The following SLAIN2 variants were observed in gnomAD, a reference collection of about 807,000 sequenced individuals.
SLAIN2 encodes the protein SLAIN family member 2, also known as SLAIN motif-containing protein 2.
Under a neutral mutation model 56.6 loss-of-function variants are expected in SLAIN2, and 31 were observed. That is an observed-to-expected ratio of 0.55 (90% CI 0.41 to 0.74). The LOEUF (loss-of-function observed/expected upper bound fraction) is 0.74, where lower values mean the gene tolerates loss of function less well. SLAIN2 is among the 30% of genes least tolerant of loss of function. The pLI, the probability that SLAIN2 is intolerant of heterozygous loss-of-function variation, is 0.00. For missense variants in SLAIN2, 777 were observed against 754.2 expected (o/e 1.03, Z -0.35); for synonymous variants, 317 against 284.9 (o/e 1.11, Z -1.13).
chr4:48,366,522 T>G (rs1448397537), intron 1 of SLAIN2, among the ~76,000 whole-genome samples: 1 of 152,238 alleles, frequency 6.6e-6, no homozygotes, highest in Admixed American at 6.5e-5. Context: ...GTAATTTTTT[T>G]GTTTCTAGTA....
intron 1 of SLAIN2, among the ~76,000 whole-genome samples, chr4:48,366,630 A>G (rs1237294192): frequency 2.0e-5 from 3 of 151,874 alleles, no homozygotes; most frequent in African/African-American, 4.8e-5. Context: ...TTTACTTTCA[A>G]CCTATTTATG....
chr4:48,414,355 A>T lies in SLAIN2; in HGVS notation c.1361-5770A>T, dbSNP rs1243931830. On this transcript the variant is annotated intron_variant, in intron 6 of 7. Coordinates refer to ENST00000264313, the MANE Select transcript of SLAIN2 (RefSeq NM_020846.2). ...TCCATCTAGGAAATTCATGTGTAGCAGACTAAAGGAGGCCTGTTCTTTAGA... is the reference window on the plus strand; with the variant it reads ...TCCATCTAGGAAATTCATGTGTAGCTGACTAAAGGAGGCCTGTTCTTTAGA... Among the ~76,000 whole-genome samples, 4 of 152,198 alleles carry T rather than the reference A, an allele frequency of 2.6e-5. No individual in the cohort carries two copies. The East Asian group carries it at 7.7e-4, about 29-fold the overall frequency.
intron 1 of SLAIN2, among the ~76,000 whole-genome samples, chr4:48,362,528 C>T (rs1715355800): frequency 1.3e-5 from 2 of 149,638 alleles, no homozygotes; most frequent in Admixed American, 1.3e-4. Flanking sequence ...AAGCGATTCT[C>T]CTGCCTCAGC....
chr4:48,368,707 T>A (rs1309774953), intron 1 of SLAIN2, among the ~76,000 whole-genome samples: 1 of 152,236 alleles, frequency 6.6e-6, no homozygotes, highest in African/African-American at 2.4e-5. Context: ...TGATAGTTAT[T>A]CCATAAATTG....
intron 1 of SLAIN2, among the ~76,000 whole-genome samples, chr4:48,367,553 C>T (rs1452511170): frequency 6.6e-6 from 1 of 151,664 alleles, no homozygotes; most frequent in Non-Finnish European, 1.5e-5. Context: ...ATGGAGCAAT[C>T]CTAAATTACA....
At chr4:48,411,299 C>T (rs1195706828) in intron 6 of SLAIN2, among the ~76,000 whole-genome samples, 1 of 152,018 alleles carries the variant, frequency 6.6e-6, no homozygotes, top group Non-Finnish European at 1.5e-5. Context: ...GCATGTGATT[C>T]GTTTTGGGGA....
At chr4:48,406,304 T>A (rs1041072289) in intron 6 of SLAIN2, among the ~76,000 whole-genome samples, 11 of 152,206 alleles carry the variant, frequency 7.2e-5, no homozygotes, top group Non-Finnish European at 1.2e-4. Context: ...GTTTGTATAT[T>A]TTTTTAATAT....
intron 1 of SLAIN2, among the ~76,000 whole-genome samples, chr4:48,353,889 A>C (rs1490454168): frequency 6.6e-6 from 1 of 152,212 alleles, no homozygotes; most frequent in Non-Finnish European, 1.5e-5. Flanking sequence ...TTTAATAAGG[A>C]TTAGTGAATC....
intron 6 of SLAIN2, among the ~76,000 whole-genome samples, chr4:48,390,661 A>G (rs983695889): frequency 2.6e-5 from 4 of 152,192 alleles, no homozygotes; most frequent in South Asian, 2.1e-4. Context: ...AAAATAGACA[A>G]TGGGTTAATA....
chr4:48,364,893 G>A (rs1381422028), intron 1 of SLAIN2, among the ~76,000 whole-genome samples: 14 of 135,476 alleles, frequency 1.0e-4, no homozygotes, highest in Non-Finnish European at 1.8e-4. Flanking sequence ...AGGGGGAGGG[G>A]GAGGGAGAGG....
intron 6 of SLAIN2, among the ~76,000 whole-genome samples, chr4:48,388,573 G>A (rs1305896850): frequency 6.6e-6 from 1 of 152,152 alleles, no homozygotes; most frequent in Non-Finnish European, 1.5e-5. Flanking sequence ...AAAGGGAACA[G>A]AGATCCATAT....
At chr4:48,394,213 GTGC>G (rs769061170) in intron 6 of SLAIN2, among the ~76,000 whole-genome samples, 8 of 152,286 alleles carry the variant, frequency 5.3e-5, no homozygotes, top group Non-Finnish European at 1.2e-4. Flanking sequence ...CGTTGAACAA[GTGC>G]TGCACTTCAT....
At chr4:48,385,437 A>G (rs1302938123) in intron 6 of SLAIN2, among the ~76,000 whole-genome samples, 1 of 152,138 alleles carries the variant, frequency 6.6e-6, no homozygotes, top group African/African-American at 2.4e-5. Flanking sequence ...GTAGGTACAC[A>G]ATGGATGCAT....
At chr4:48,369,802 C>G in intron 1 of SLAIN2, 47 bp from the exon 2 acceptor site, 1 of 1,576,230 alleles carries the variant, frequency 6.3e-7, no homozygotes, top group Non-Finnish European at 8.7e-7. Flanking sequence ...TTTTATATAA[C>G]CTTGTGCTTA....
In SLAIN2 at chr4:48,420,131, C is replaced by G; in HGVS notation, c.1367C>G (p.Ser456Cys). ...RMQPQASAIP[S>C]PGKFRSPAAP... ...TTTCTTTGCCATCCCACAGTACCTTCTCCAGGCAAATTCCGTTCCCCTGCA... is the reference window on the plus strand; with the variant it reads ...TTTCTTTGCCATCCCACAGTACCTTGTCCAGGCAAATTCCGTTCCCCTGCA... Residue 456 changes from serine (S) to cysteine (C), a missense_variant, in exon 7 of 8, where the codon TCT becomes TGT. By Grantham distance (112) the Ser-to-Cys change is moderately radical. Coordinates refer to ENST00000264313, the MANE Select transcript of SLAIN2 (RefSeq NM_020846.2). 6.2e-7 allele frequency: 1 copy of G among 1,613,690 alleles called. No homozygotes were observed. The highest frequency in any genetic ancestry group is 8.5e-7 in the Non-Finnish European group (1 of 1,179,656).
intron 6 of SLAIN2, among the ~76,000 whole-genome samples, chr4:48,393,481 C>G (rs183241727): frequency 6.6e-6 from 1 of 151,842 alleles, no homozygotes; most frequent in East Asian, 1.9e-4. Context: ...TCAAGCAAAT[C>G]TTCCTGCCCT....
chr4:48,403,930 A>G (rs751589865), intron 6 of SLAIN2, among the ~76,000 whole-genome samples: 10 of 152,146 alleles, frequency 6.6e-5, no homozygotes, highest in Non-Finnish European at 1.3e-4. Context: ...GTGGGTTGCA[A>G]AGATCCGTGG....
At position 48,341,737 on chromosome 4, in the gene SLAIN2, G is replaced by T. The variant is rs942316694; in HGVS notation, c.-3G>T. Reference sequence around the variant, plus strand: ...CGGAGGCGGCGGCGGCGGCGGGGCCGGGATGGAGGACGTTAACTCCAACGT... The same window carrying T: ...CGGAGGCGGCGGCGGCGGCGGGGCCTGGATGGAGGACGTTAACTCCAACGT... On this transcript the variant is annotated 5_prime_UTR_variant, in exon 1 of 8. Coordinates refer to ENST00000264313, the MANE Select transcript of SLAIN2 (RefSeq NM_020846.2). 6 of 1,529,666 alleles carry T rather than the reference G, an allele frequency of 3.9e-6. No homozygotes were observed. Among genetic ancestry groups the T allele is most frequent in the Non-Finnish European group, 3.5e-6 (4 of 1,138,432 alleles). 94.8% of individuals were successfully genotyped at this position (1,529,666 alleles called of 1,614,324 possible). A position where few individuals can be genotyped will look rare whatever the true frequency, so the allele number is the denominator to read the frequency against.
chr4:48,343,014 A>G (rs1714768436), intron 1 of SLAIN2, among the ~76,000 whole-genome samples: 1 of 152,146 alleles, frequency 6.6e-6, no homozygotes, highest in South Asian at 2.1e-4. Context: ...TTTATTATAA[A>G]GATGTGTGTG....
Sources: gnomAD v4.1 joint callset for allele counts (sites outside exome capture counted in the v4.1 genomes callset) on GRCh38, gnomAD v4.1.1 for gene constraint, MANE v1.5 for transcripts, NCBI Gene and HGNC (gene_info 2026-07-23, HGNC 2026-07-21) for gene names.